The following MALRD1 variants were observed in gnomAD, a reference collection of about 807,000 sequenced individuals.
MALRD1 encodes the protein MAM and LDL receptor class A domain containing 1.
A neutral mutation model predicts 242.1 loss-of-function variants in MALRD1; 247 were observed. The observed-to-expected ratio is 1.02, with a 90% confidence interval of 0.92 to 1.13. The LOEUF is 1.13. MALRD1 is among the 50% of genes most tolerant of loss of function. The pLI is 0.00. For missense variants in MALRD1, 2,989 were observed against 2,533.1 expected (o/e 1.18, Z -3.86); for synonymous variants, 995 against 866.6 (o/e 1.15, Z -2.60).
At chr10:19,055,791 A>G (rs1003154733) in intron 1 of MALRD1, among the ~76,000 whole-genome samples, 18 of 152,310 alleles carry the variant, frequency 1.2e-4, no homozygotes, top group South Asian at 4.1e-4. Flanking sequence ...AGTGGGAGCT[A>G]AACATGGAAT....
chr10:19,670,938 G>A (rs1374639400), intron 36 of MALRD1, among the ~76,000 whole-genome samples: 1 of 150,862 alleles, frequency 6.6e-6, no homozygotes, highest in Non-Finnish European at 1.5e-5. Context: ...GAGTGCAGTG[G>A]CACCATCTCG....
chr10:19,177,261 CA>C, intron 14 of MALRD1, among the ~76,000 whole-genome samples: 1 of 134,922 alleles, frequency 7.4e-6, no homozygotes, highest in South Asian at 2.3e-4. Flanking sequence ...GCCTGGGTGA[CA>C]GAGCAAGATT....
At chr10:19,690,865 C>G (rs1485566021) in intron 36 of MALRD1, among the ~76,000 whole-genome samples, 4 of 151,922 alleles carry the variant, frequency 2.6e-5, no homozygotes, top group African/African-American at 9.7e-5. Context: ...CTCCATATGT[C>G]TTAGGTTTCT....
chr10:19,076,904 A>G (rs1296557188), intron 2 of MALRD1, among the ~76,000 whole-genome samples: 2 of 151,972 alleles, frequency 1.3e-5, no homozygotes, highest in Non-Finnish European at 2.9e-5. Flanking sequence ...TCTGAACAAT[A>G]TTAAGTTTTC....
chr10:19,284,178 A>G (rs918674558), intron 21 of MALRD1, among the ~76,000 whole-genome samples: 4 of 151,834 alleles, frequency 2.6e-5, no homozygotes. Flanking sequence ...TCCATTTTGA[A>G]CTTTTTTCAC....
At chr10:19,133,972 T>C in intron 9 of MALRD1, 24 bp downstream of exon 9, 4 of 1,129,034 alleles carry the variant, frequency 3.5e-6, no homozygotes, top group Non-Finnish European at 4.5e-6. Flanking sequence ...AAAAAAAGTA[T>C]TTTTTTATCA....
chr10:19,698,265 C>T (rs1332350259), intron 38 of MALRD1, among the ~76,000 whole-genome samples: 2 of 152,140 alleles, frequency 1.3e-5, no homozygotes, highest in Non-Finnish European at 2.9e-5. Context: ...TCTTACCAAA[C>T]ACATCAGAAC....
At chr10:19,719,227 T>C (rs11011264) in intron 38 of MALRD1, among the ~76,000 whole-genome samples, 1,959 of 22,492 alleles carry the variant, frequency 0.087, 227 homozygotes, top group African/African-American at 0.3. Context: ...TACATACATA[T>C]ATATATATAT....
chr10:19,100,061 AT>A (rs1037042390), intron 4 of MALRD1, among the ~76,000 whole-genome samples: 10 of 151,992 alleles, frequency 6.6e-5, no homozygotes, highest in South Asian at 6.2e-4. Context: ...ATAATAATAA[AT>A]TTTTTTCTTT....
intron 38 of MALRD1, chr10:19,721,818 G>C (rs926722841): frequency 6.6e-6 from 1 of 152,264 alleles, no homozygotes; most frequent in African/African-American, 2.4e-5. Context: ...AAGCCGCCAA[G>C]CGGCTCTGGG....
At chr10:19,074,996 C>G (rs549865944) in intron 2 of MALRD1, among the ~76,000 whole-genome samples, 2 of 152,100 alleles carry the variant, frequency 1.3e-5, no homozygotes, top group South Asian at 4.1e-4. Context: ...TGATATTTTA[C>G]TAATGAAATT....
chr10:19,730,779 G>C lies in MALRD1; in HGVS notation c.6388G>C (p.Glu2130Gln), dbSNP rs745874073. ...GAACTGGAGCAACCCAGAGAAAACA[G>C]AGGTAAGTGGCAAGGGTGAACTATA... ...YGNWSNPEKT[E>Q]SSVYSFSNPL... The change falls in exon 39 of 40, where the codon GAG becomes CAG. Residue 2130 changes from glutamate to glutamine, a missense_variant and splice_region_variant. By Grantham distance (29) the Glu-to-Gln change is conservative. Coordinates refer to ENST00000454679, the MANE Select transcript of MALRD1 (RefSeq NM_001142308.3). 5.2e-6 allele frequency: 8 copies of C among 1,536,438 alleles called. No individual in the cohort carries two copies. Among genetic ancestry groups the C allele is most frequent in the Non-Finnish European group, 6.1e-6 (7 of 1,146,944 alleles).
At chr10:19,397,975 A>C (rs1012253174) in intron 28 of MALRD1, among the ~76,000 whole-genome samples, 4 of 151,406 alleles carry the variant, frequency 2.6e-5, no homozygotes, top group African/African-American at 9.7e-5. Context: ...ACTCATGTAT[A>C]TTAAGGTCTT....
At chr10:19,273,799 T>G (rs940057659) in intron 19 of MALRD1, among the ~76,000 whole-genome samples, 24 of 152,140 alleles carry the variant, frequency 1.6e-4, no homozygotes, top group Admixed American at 1.0e-3. Flanking sequence ...ATTGCTGATC[T>G]AAGTGCTGAC....
intron 18 of MALRD1, among the ~76,000 whole-genome samples, chr10:19,222,505 A>T (rs992226013): frequency 6.6e-6 from 1 of 152,340 alleles, no homozygotes; most frequent in East Asian, 1.9e-4. Flanking sequence ...GTGTAATACG[A>T]AGAAAATTGC....
At chr10:19,399,685 G>A (rs1208460447) in intron 28 of MALRD1, among the ~76,000 whole-genome samples, 2 of 152,132 alleles carry the variant, frequency 1.3e-5, no homozygotes, top group East Asian at 3.8e-4. Flanking sequence ...TGTAAGAAAT[G>A]AATATACAAA....
At chr10:19,106,665 T>C (rs977389020) in intron 5 of MALRD1, among the ~76,000 whole-genome samples, 1 of 151,930 alleles carries the variant, frequency 6.6e-6, no homozygotes, top group African/African-American at 2.4e-5. Flanking sequence ...ATTTATTTCC[T>C]TCTACTAATT....
chr10:19,665,828 G>T (rs991421836), intron 36 of MALRD1, among the ~76,000 whole-genome samples: 1 of 151,612 alleles, frequency 6.6e-6, no homozygotes, highest in Non-Finnish European at 1.5e-5. Flanking sequence ...GTGTCCCTTG[G>T]ATCTCCGGCT....
At chr10:19,195,927 A>T (rs1210105550) in intron 14 of MALRD1, among the ~76,000 whole-genome samples, 1 of 152,078 alleles carries the variant, frequency 6.6e-6, no homozygotes, top group Non-Finnish European at 1.5e-5. Context: ...CTTCTTTGAC[A>T]TCTGTCTTCC....
Sources: gnomAD v4.1 joint callset for allele counts (sites outside exome capture counted in the v4.1 genomes callset) on GRCh38, gnomAD v4.1.1 for gene constraint, MANE v1.5 for transcripts, NCBI Gene and HGNC (gene_info 2026-07-23, HGNC 2026-07-21) for gene names.